Variants in DPP4 observed in about 807,000 individuals in gnomAD.
DPP4 encodes the protein ADCP-2.
In DPP4, 93 loss-of-function variants were observed where a neutral mutation model predicts 122.4. The observed-to-expected ratio is 0.76, with a 90% CI of 0.64 to 0.90. The LOEUF is 0.90. Ranked by LOEUF, DPP4 falls within the 40% of genes least tolerant of loss-of-function variation. The pLI is 0.00. For synonymous variants in DPP4, 321 were observed against 302.9 expected, an observed-to-expected ratio of 1.06 and a Z score of -0.62; for missense variants, 914 against 907.3, an observed-to-expected ratio of 1.01 and a Z score of -0.09.
chr2:162,020,795 C>T lies in DPP4; in HGVS notation c.1069-107G>A, dbSNP rs867656463. ...CAATACCTACGCTCAAAAATCCATGCTCCATTTATATGCCAAATTAAAATT... is the reference window on the plus strand; with the variant it reads ...CAATACCTACGCTCAAAAATCCATGTTCCATTTATATGCCAAATTAAAATT... On this transcript the variant is annotated intron_variant, in intron 12 of 25. Coordinates refer to ENST00000360534, the MANE Select transcript of DPP4 (RefSeq NM_001935.4). The T allele has an allele frequency of 4.1e-5, 26 of 638,990 alleles. No homozygotes were observed. The South Asian group carries it at 7.9e-4, about 19-fold the overall frequency. 39.6% of individuals were successfully genotyped at this position (638,990 alleles called of 1,614,324 possible). A position where few individuals can be genotyped will look rare whatever the true frequency, so the allele number is the denominator to read the frequency against.
intron 23 of DPP4, 69 bp downstream of exon 23, chr2:162,005,676 T>C (rs1701265074): frequency 7.6e-7 from 1 of 1,317,486 alleles, no homozygotes; most frequent in Non-Finnish European, 1.1e-6. Flanking sequence ...CTAGAATAGA[T>C]ACAATTAAGA....
intron 2 of DPP4, among the ~76,000 whole-genome samples, chr2:162,067,816 T>C (rs1464263363): frequency 6.6e-6 from 1 of 152,122 alleles, no homozygotes; most frequent in Non-Finnish European, 1.5e-5. Flanking sequence ...AGGATTAGCA[T>C]CCAACCATAA....
At chr2:162,063,042 G>A (rs34450218) in intron 2 of DPP4, among the ~76,000 whole-genome samples, 1 of 151,838 alleles carries the variant, frequency 6.6e-6, no homozygotes, top group Admixed American at 6.6e-5. Flanking sequence ...TTGTGTCTTT[G>A]ACCAGGGTAG....
intron 5 of DPP4, among the ~76,000 whole-genome samples, chr2:162,043,178 T>G (rs1007632209): frequency 1.3e-5 from 2 of 152,104 alleles, no homozygotes; most frequent in Admixed American, 6.6e-5. Context: ...ATATCCGTGT[T>G]TTTTCAAAAG....
chr2:162,019,189 A>G, intron 15 of DPP4, 34 bp downstream of exon 15: 1 of 1,567,352 alleles, frequency 6.4e-7, no homozygotes, highest in Non-Finnish European at 8.7e-7. Context: ...GTCAGCTAAA[A>G]TGACTCAAGT....
intron 11 of DPP4, 26 bp downstream of exon 11, chr2:162,024,778 A>G: frequency 1.2e-6 from 2 of 1,610,202 alleles, no homozygotes; most frequent in Non-Finnish European, 8.5e-7. Flanking sequence ...TTGCTCTAGA[A>G]GCAGAACATC....
chr2:162,020,751 AG>A, intron 12 of DPP4, 63 bp from the exon 13 acceptor site: 1 of 1,196,644 alleles, frequency 8.4e-7, no homozygotes, highest in Non-Finnish European at 1.2e-6. Flanking sequence ...TACCAACTTT[AG>A]TTTTAGAAAG....
chr2:161,995,691 CAG>C (rs1347325932), intron 23 of DPP4, among the ~76,000 whole-genome samples: 1 of 152,200 alleles, frequency 6.6e-6, no homozygotes, highest in African/African-American at 2.4e-5. Context: ...TAGCACAGGG[CAG>C]AGTCTCATAT....
chr2:162,036,296 A>G (rs1683766018), intron 8 of DPP4, among the ~76,000 whole-genome samples: 1 of 152,224 alleles, frequency 6.6e-6, no homozygotes, highest in South Asian at 2.1e-4. Flanking sequence ...GTTACTTCCA[A>G]ATGCTTTTTT....
intron 7 of DPP4, 23 bp from the exon 8 acceptor site, chr2:162,038,445 T>C: frequency 1.3e-6 from 2 of 1,588,770 alleles, no homozygotes; most frequent in Non-Finnish European, 8.6e-7. Flanking sequence ...AAAACAAGCA[T>C]TGATATCTAT....
intron 10 of DPP4, among the ~76,000 whole-genome samples, chr2:162,029,561 T>C (rs906499745): frequency 5.9e-5 from 9 of 152,210 alleles, no homozygotes; most frequent in Non-Finnish European, 1.2e-4. Context: ...TGTGCAGATG[T>C]CACTAGCTTC....
chr2:162,023,151 C>A (rs1683197755), intron 11 of DPP4, among the ~76,000 whole-genome samples: 1 of 152,126 alleles, frequency 6.6e-6, no homozygotes, highest in Non-Finnish European at 1.5e-5. Flanking sequence ...ACCTGGGGGT[C>A]ATTCTAGATT....
At chr2:162,073,652 G>A in intron 1 of DPP4, 166 bp from the exon 2 acceptor site, 1 of 709,306 alleles carries the variant, frequency 1.4e-6, no homozygotes, top group Non-Finnish European at 2.4e-6. Flanking sequence ...GCGCCAGTTG[G>A]AGTTCTCTAA....
chr2:162,052,771 A>G (rs752698326), intron 2 of DPP4, among the ~76,000 whole-genome samples: 3 of 152,216 alleles, frequency 2.0e-5, no homozygotes, highest in Non-Finnish European at 4.4e-5. Context: ...AGAGCTGTGG[A>G]TAGAACCTCG....
At chr2:162,027,829 TCAGTC>T (rs977883277) in intron 10 of DPP4, among the ~76,000 whole-genome samples, 6 of 152,226 alleles carry the variant, frequency 3.9e-5, no homozygotes, top group South Asian at 2.1e-4. Context: ...CTCACGTGCA[TCAGTC>T]ATCTTCCCTG....
At chr2:162,009,660 G>A (rs1701373441) in intron 20 of DPP4, among the ~76,000 whole-genome samples, 1 of 151,896 alleles carries the variant, frequency 6.6e-6, no homozygotes, top group Admixed American at 6.6e-5. Flanking sequence ...CTCTCCAGAT[G>A]TTTTTCAGTT....
rs1184597685 is a variant in DPP4, at chr2:162,033,862, G to GTGTATATA, written c.775-210_775-209insTATATACA. Among the ~76,000 whole-genome samples the GTGTATATA allele has an allele frequency of 9.4e-4, 98 of 104,030 alleles. 1 individual carries two copies. The highest frequency in any genetic ancestry group is 2.5e-3 in the African/African-American group (70 of 28,366). 68.2% of individuals were successfully genotyped at this position (104,030 alleles called of 152,430 possible). On this transcript the variant is annotated intron_variant, in intron 9 of 25. Transcript: ENST00000360534. ...ATGGTCAGGCAGAAACAGAATATGT[G>GTGTATATA]TATATATATATATATATATATATAT...
intron 23 of DPP4, among the ~76,000 whole-genome samples, chr2:162,004,868 C>T (rs1701242207): frequency 6.6e-6 from 1 of 152,140 alleles, no homozygotes; most frequent in Non-Finnish European, 1.5e-5. Context: ...CTCTTTAATT[C>T]ACTGTCTTGT....
At chr2:162,013,602 C>T (rs1421491079) in intron 19 of DPP4, among the ~76,000 whole-genome samples, 1 of 151,876 alleles carries the variant, frequency 6.6e-6, no homozygotes, top group African/African-American at 2.4e-5. Flanking sequence ...AATGGAACAA[C>T]AGAACTTACT....
Sources: allele counts gnomAD v4.1 joint callset (sites outside exome capture counted in the v4.1 genomes callset), GRCh38; gene constraint gnomAD v4.1.1; transcripts MANE v1.5; gene names NCBI Gene and HGNC (gene_info 2026-07-23, HGNC 2026-07-21).